Variants in SORCS1 observed in about 807,000 individuals in gnomAD.
The protein encoded by SORCS1 is sortilin related VPS10 domain containing receptor 1, also known as VPS10 domain-containing receptor SorCS1.
A neutral mutation model predicts 146.1 loss-of-function variants in SORCS1; 60 were observed. The ratio of observed to expected loss-of-function variants is 0.41; its 90% confidence interval spans 0.33 to 0.51. The LOEUF is 0.51. Among genes scored for constraint, SORCS1 ranks in the 20% least tolerant of loss-of-function variants. The probability of loss-of-function intolerance (pLI) is 0.21; values close to 1 mark genes in which losing one functional copy is unlikely to be tolerated. For synonymous variants in SORCS1, 637 were observed against 584.0 expected, an observed-to-expected ratio of 1.09 and a Z score of -1.31; for missense variants, 1,352 against 1,487.6, an observed-to-expected ratio of 0.91 and a Z score of 1.50.
chr10:106,931,466 T>C (rs1396848323), intron 2 of SORCS1, among the ~76,000 whole-genome samples: 1 of 152,160 alleles, frequency 6.6e-6, no homozygotes, highest in Non-Finnish European at 1.5e-5. Flanking sequence ...GGGAAAATAC[T>C]TGGTAATAAG....
Position 106,730,098 on chromosome 10 carries a change from T to A in SORCS1, c.976A>T (p.Asn326Tyr). Residue 326 changes from asparagine (N) to tyrosine (Y), a missense_variant, in exon 6 of 26, where the codon AAT (asparagine) becomes TAT (tyrosine). This residue lies in a region of SORCS1 where 490 missense variants were observed against 489.1 expected (regional missense o/e 1.00). Transcript: ENST00000263054. ...AGATGCACAAGGTCTGGTTCTTTAT[T>A]TGACCCCATCACAGACCTAAAAAAT... ...NRFYWSVMGS[N>Y]KEPDLVHLEA... The A allele has an allele frequency of 3.1e-6, 5 of 1,614,142 alleles. No homozygotes were observed. Among genetic ancestry groups the A allele is most frequent in the Non-Finnish European group, 4.2e-6 (5 of 1,180,008 alleles).
At chr10:106,714,736 C>A (rs950129334) in intron 6 of SORCS1, among the ~76,000 whole-genome samples, 2 of 152,144 alleles carry the variant, frequency 1.3e-5, no homozygotes, top group East Asian at 3.9e-4. Context: ...GCAATCTTTA[C>A]AACAAATCCC....
intron 6 of SORCS1, among the ~76,000 whole-genome samples, chr10:106,715,845 C>T (rs1032540549): frequency 6.6e-6 from 1 of 152,034 alleles, no homozygotes; most frequent in African/African-American, 2.4e-5. Context: ...TGCAACCTCC[C>T]GAGTTCAAAC....
At chr10:106,758,248 G>T (rs1003567752) in intron 5 of SORCS1, among the ~76,000 whole-genome samples, 1 of 152,146 alleles carries the variant, frequency 6.6e-6, no homozygotes, top group Non-Finnish European at 1.5e-5. Flanking sequence ...GGTGAGGTCT[G>T]TTCAGGTTAT....
At chr10:107,048,989 C>T (rs967220224) in intron 1 of SORCS1, among the ~76,000 whole-genome samples, 17 of 151,870 alleles carry the variant, frequency 1.1e-4, no homozygotes, top group African/African-American at 3.1e-4. Flanking sequence ...CGGCACTACT[C>T]ACAATAGCAA....
At chr10:107,022,369 G>A (rs2133877435) in intron 1 of SORCS1, among the ~76,000 whole-genome samples, 1 of 152,316 alleles carries the variant, frequency 6.6e-6, no homozygotes, top group East Asian at 1.9e-4. Context: ...CTGAGGTCCA[G>A]TGGCAGCTGT....
At chr10:106,633,716 C>G (rs899739613) in intron 18 of SORCS1, among the ~76,000 whole-genome samples, 21 of 152,190 alleles carry the variant, frequency 1.4e-4, no homozygotes, top group African/African-American at 4.8e-4. Flanking sequence ...ATTATATGCA[C>G]CTTTCTGTCA....
chr10:107,144,078 C>T (rs571123679), intron 1 of SORCS1, among the ~76,000 whole-genome samples: 249 of 152,224 alleles, frequency 1.6e-3, no homozygotes, highest in Non-Finnish European at 2.0e-3. Context: ...GCCACACATG[C>T]TTATCCTTCC....
intron 9 of SORCS1, among the ~76,000 whole-genome samples, chr10:106,693,194 G>T (rs545822135): frequency 5.3e-5 from 8 of 152,240 alleles, no homozygotes; most frequent in African/African-American, 1.9e-4. Flanking sequence ...TTCAGATAAG[G>T]TATACTCAAC....
In SORCS1 at chr10:106,773,810, G is replaced by A. The variant is rs193205016; in HGVS notation, c.885+2724C>T. On this transcript the variant is annotated intron_variant, in intron 4 of 25. Transcript: ENST00000263054. ...TAAAGATACAAAAAATTAGCCAGGC[G>A]TGGTGGCACACACCTGTAATCCCAG... 2.9e-3 allele frequency among the ~76,000 whole-genome samples: 434 copies of A among 152,212 alleles called. 2 individuals carry two copies. The highest frequency in any genetic ancestry group is 4.5e-3 in the Non-Finnish European group (307 of 68,010).
intron 1 of SORCS1, among the ~76,000 whole-genome samples, chr10:107,014,768 G>GA (rs1282303033): frequency 2.6e-5 from 4 of 152,110 alleles, no homozygotes; most frequent in Non-Finnish European, 5.9e-5. Context: ...AATTTCTAGA[G>GA]AAAAAAAGTT....
chr10:106,888,315 G>A (rs1174642331), intron 2 of SORCS1, among the ~76,000 whole-genome samples: 1 of 152,178 alleles, frequency 6.6e-6, no homozygotes, highest in Non-Finnish European at 1.5e-5. Flanking sequence ...CTCAACAATT[G>A]GAAGGTATTT....
intron 1 of SORCS1, among the ~76,000 whole-genome samples, chr10:107,053,900 G>T (rs1324145977): frequency 6.6e-6 from 1 of 152,110 alleles, no homozygotes; most frequent in African/African-American, 2.4e-5. Flanking sequence ...TTTCTATACA[G>T]AGTCCCTATG....
chr10:106,938,685 G>A (rs1353447644), intron 2 of SORCS1, among the ~76,000 whole-genome samples: 5 of 152,212 alleles, frequency 3.3e-5, no homozygotes, highest in African/African-American at 9.7e-5. Flanking sequence ...TTGCGGTTCT[G>A]TAGATTCCAT....
intron 2 of SORCS1, among the ~76,000 whole-genome samples, chr10:106,873,512 A>G (rs1950488745): frequency 6.6e-6 from 1 of 152,158 alleles, no homozygotes; most frequent in Admixed American, 6.5e-5. Context: ...TTGGTGGCAT[A>G]TAATGTTAGA....
In SORCS1 at chr10:106,806,357, G is replaced by A. The variant is rs189809210; in HGVS notation, c.726+23217C>T. 8.7e-4 allele frequency among the ~76,000 whole-genome samples: 108 copies of A among 124,820 alleles called. 1 individual carries two copies. The highest frequency in any genetic ancestry group is 1.5e-3 in the Non-Finnish European group (79 of 53,988). The allele number at this position is 124,820 out of a possible 152,430, so 81.9% of individuals were successfully genotyped here. A position where few individuals can be genotyped will look rare whatever the true frequency, so the allele number is the denominator to read the frequency against. On this transcript the variant is annotated intron_variant, in intron 3 of 25. Coordinates refer to ENST00000263054, the MANE Select transcript of SORCS1 (RefSeq NM_052918.5). Reference sequence around the variant, plus strand: ...TACTCCAGCCTGGGTGACAGAGTGAGACTCCTCCTCAAAAATAAAATAAAA... The same window carrying A: ...TACTCCAGCCTGGGTGACAGAGTGAAACTCCTCCTCAAAAATAAAATAAAA...
At chr10:106,747,277 G>C (rs1857811883) in intron 5 of SORCS1, among the ~76,000 whole-genome samples, 2 of 152,196 alleles carry the variant, frequency 1.3e-5, no homozygotes, top group Admixed American at 1.3e-4. Context: ...TAGTGGGACA[G>C]CTCCATTTCC....
rs146614465 is a variant in SORCS1 at position 107,084,010 on chromosome 10, C to T, written c.558+79959G>A. On this transcript the variant is annotated intron_variant, in intron 1 of 25. Transcript: ENST00000263054. Reference sequence around the variant, plus strand: ...AACACAACTTTCTCAACTGTATTCACCTAAAACTATACAGAATATTAACTA... The same window carrying T: ...AACACAACTTTCTCAACTGTATTCATCTAAAACTATACAGAATATTAACTA... Among the ~76,000 whole-genome samples, 178 of 152,126 alleles carry T rather than the reference C, an allele frequency of 1.2e-3. 2 individuals are homozygous for T. Among genetic ancestry groups the T allele is most frequent in the African/African-American group, 3.5e-3 (145 of 41,486 alleles).
intron 2 of SORCS1, among the ~76,000 whole-genome samples, chr10:106,841,621 T>C (rs1589525068): frequency 2.6e-5 from 4 of 152,358 alleles, no homozygotes; most frequent in South Asian, 4.1e-4. Flanking sequence ...ATTTGGTTTA[T>C]TGCAGTTGTC....
Sources: allele counts gnomAD v4.1 joint callset (sites outside exome capture counted in the v4.1 genomes callset), GRCh38; gene constraint gnomAD v4.1.1; regional missense constraint gnomAD v4.1.1; transcripts MANE v1.5; gene names NCBI Gene and HGNC (gene_info 2026-07-23, HGNC 2026-07-21).